LARP7: variants seen among roughly 807,000 people sequenced by gnomAD.
LARP7 encodes la-related protein 7.
LARP7 carries 52 observed loss-of-function variants against 69.3 expected under a neutral mutation model. The ratio of observed to expected loss-of-function variants is 0.75; its 90% confidence interval spans 0.60 to 0.95. The LOEUF is 0.95. Among genes scored for constraint, LARP7 ranks in the 40% least tolerant of loss-of-function variants. The probability of loss-of-function intolerance (pLI) is 0.00; values close to 1 mark genes in which losing one functional copy is unlikely to be tolerated. For missense variants in LARP7, 733 were observed against 673.0 expected (o/e 1.09, Z -0.99); for synonymous variants, 254 against 215.9 (o/e 1.18, Z -1.55).
At chr4:112,650,717 T>G in intron 10 of LARP7, 135 bp downstream of exon 10, 1 of 899,536 alleles carries the variant, frequency 1.1e-6, no homozygotes, top group Non-Finnish European at 1.6e-6. Context: ...CTGTACAGTT[T>G]TAATTCCATG....
At chr4:112,646,160 G>A (rs2048215465) in intron 2 of LARP7, among the ~76,000 whole-genome samples, 191 bp from the exon 3 acceptor site, 1 of 151,724 alleles carries the variant, frequency 6.6e-6, no homozygotes, top group South Asian at 2.1e-4. Context: ...TGTATTTTTA[G>A]TAGAGATGGG....
Position 112,650,540 on chromosome 4 carries a change from G to C in LARP7, c.1374G>C (p.Lys458Asn). The C allele has an allele frequency of 6.2e-7, 1 of 1,613,740 alleles. No individual in the cohort carries two copies. Among genetic ancestry groups the C allele is most frequent in the Non-Finnish European group, 8.5e-7 (1 of 1,179,772 alleles). ...GPQFVSGVIVKIISTEPLPGR... is the reference protein window; with the variant it reads ...GPQFVSGVIVNIISTEPLPGR... ...AGTTCGTGAGTGGAGTGATTGTGAA[G>C]ATCATTAGCACAGAGCCTCTACCTG... The change falls in exon 10 of 13, where the codon AAG becomes AAC. Residue 458 changes from lysine to asparagine, a missense_variant. Lys to Asn is a moderately conservative substitution (Grantham distance 94). Transcript: ENST00000344442.
intron 1 of LARP7, among the ~76,000 whole-genome samples, chr4:112,641,147 TC>T (rs2047944204): frequency 6.6e-6 from 1 of 152,258 alleles, no homozygotes; most frequent in African/African-American, 2.4e-5. Flanking sequence ...ACACCTGTAA[TC>T]CTAGCACTTC....
Position 112,637,149 on chromosome 4 carries a change from T to A in LARP7, c.-93T>A, listed in dbSNP as rs1049642244. 1.2e-4 allele frequency: 18 copies of A among 152,224 alleles called. No individual in the cohort carries two copies. The highest frequency in any genetic ancestry group is 4.3e-4 in the African/African-American group (18 of 41,460). 9.4% of individuals were successfully genotyped at this position (152,224 alleles called of 1,614,324 possible). On this transcript the variant is annotated 5_prime_UTR_variant, in exon 1 of 13. The change abolishes an upstream ATG in the 5' untranslated region. Transcript: ENST00000344442. The stretch of plus-strand genomic sequence containing the variant: ...CCGGAAAACGTTGTCGCTCATCCTA[T>A]GACGCGAAAGTAACCGAGACTATCA...
chr4:112,648,611 G>C, intron 8 of LARP7: 1 of 451,542 alleles, frequency 2.2e-6, no homozygotes, highest in Non-Finnish European at 4.7e-6. Flanking sequence ...TGAGGAGAAA[G>C]AAAACAAAAT....
At chr4:112,653,306 T>G in intron 11 of LARP7, 70 bp downstream of exon 11, 1 of 1,334,252 alleles carries the variant, frequency 7.5e-7, no homozygotes, top group Non-Finnish European at 1.0e-6. Flanking sequence ...TTTTCTGAGT[T>G]TGGCTAATGA....
chr4:112,653,580 G>A (rs1461350662), intron 11 of LARP7, among the ~76,000 whole-genome samples: 1 of 151,974 alleles, frequency 6.6e-6, no homozygotes, highest in African/African-American at 2.4e-5. Flanking sequence ...TGCCTCCCGG[G>A]TTGAAGTGAT....
chr4:112,646,997 A>G, intron 5 of LARP7, 37 bp from the exon 6 acceptor site: 1 of 1,581,708 alleles, frequency 6.3e-7, no homozygotes, highest in East Asian at 2.2e-5. Flanking sequence ...AGAAAAGAAA[A>G]CAAGTATTAA....
At chr4:112,642,267 A>G (rs1280419762) in intron 1 of LARP7, among the ~76,000 whole-genome samples, 1 of 152,120 alleles carries the variant, frequency 6.6e-6, no homozygotes, top group Non-Finnish European at 1.5e-5. Context: ...GTTGTGTGGT[A>G]CTCAATGACA....
intron 8 of LARP7, chr4:112,648,381 A>G (rs936470649): frequency 7.5e-6 from 4 of 534,414 alleles, no homozygotes; most frequent in Non-Finnish European, 1.2e-5. Flanking sequence ...GAAACATGGA[A>G]GCACTTACTT....
In LARP7 at chr4:112,646,687, C is replaced by A. The variant is rs748782643; in HGVS notation, c.387+16C>A. ...AGTGTATGTGGTAAGCTTAAGAACC[C>A]GGGTCCCCAGTCAGAAACTGGCACA... On this transcript the variant is annotated intron_variant, in intron 4 of 12. Transcript: ENST00000344442. 3.2e-6 allele frequency: 5 copies of A among 1,578,360 alleles called. No homozygotes were observed. The highest frequency in any genetic ancestry group is 4.3e-6 in the Non-Finnish European group (5 of 1,163,648).
chr4:112,646,848 G>A lies in LARP7; in HGVS notation c.445G>A (p.Gly149Ser). The A allele has an allele frequency of 6.2e-7, 1 of 1,606,840 alleles. No individual in the cohort carries two copies. Among genetic ancestry groups the A allele is most frequent in the Non-Finnish European group, 8.5e-7 (1 of 1,178,192 alleles). Residue 149 changes from glycine to serine, a missense_variant, in exon 5 of 13, where the codon GGC becomes AGC. Transcript: ENST00000344442. ...SWIERVFGKC[G>S]NVVYISIPHY... ...GATTGAAAGAGTATTTGGGAAATGT[G>A]GCAATGTTGTTTATATAAGTATACC...
chr4:112,650,322 TA>T, intron 9 of LARP7, 138 bp from the exon 10 acceptor site: 1 of 790,764 alleles, frequency 1.3e-6, no homozygotes, highest in East Asian at 2.8e-5. Context: ...ATATAACCTT[TA>T]ATTGTTTACT....
At chr4:112,653,322 G>GA in intron 11 of LARP7, 86 bp downstream of exon 11, 1 of 878,100 alleles carries the variant, frequency 1.1e-6, no homozygotes, top group Non-Finnish European at 1.6e-6. Flanking sequence ...AATGAAACTA[G>GA]TTTTTTTTTT....
At chr4:112,650,712 C>A in intron 10 of LARP7, 130 bp downstream of exon 10, 1 of 945,382 alleles carries the variant, frequency 1.1e-6, no homozygotes, top group Non-Finnish European at 1.5e-6. Flanking sequence ...AACTACTGTA[C>A]AGTTTTAATT....
At position 112,647,380 on chromosome 4, in the gene LARP7, G is replaced by C. The variant is rs764693485; in HGVS notation, c.828G>C (p.Lys276Asn). The change falls in exon 7 of 13, where the codon AAG becomes AAC. Residue 276 changes from lysine (K) to asparagine (N), a missense_variant. By Grantham distance (94) the Lys-to-Asn change is moderately conservative. Coordinates refer to ENST00000344442, the MANE Select transcript of LARP7 (RefSeq NM_016648.4). ...TEPQKQCSKK[K>N]KKRDRVEASS... is the part of the protein sequence containing the mutation. ...CCCAAAAGCAGTGCTCAAAGAAAAA[G>C]AAAAAACGGGACAGAGTTGAAGCAT... 6 of 1,613,820 alleles carry C rather than the reference G, an allele frequency of 3.7e-6. No homozygotes were observed. The highest frequency in any genetic ancestry group is 5.1e-6 in the Non-Finnish European group (6 of 1,179,874).
Position 112,644,798 on chromosome 4 carries a change from C to T in LARP7, c.129C>T (p.Asp43=). ...QVLADIAKQV[D]FWFGDANLHK... ...TTGCAGATATTGCTAAGCAAGTGGACTTCTGGTTTGGGGATGCAAATCTTC... is the reference window on the plus strand; with the variant it reads ...TTGCAGATATTGCTAAGCAAGTGGATTTCTGGTTTGGGGATGCAAATCTTC... Residue 43 remains aspartate (D), a synonymous_variant, in exon 2 of 13, where the codon GAC becomes GAT. Coordinates refer to ENST00000344442, the MANE Select transcript of LARP7 (RefSeq NM_016648.4). 6.2e-7 allele frequency: 1 copy of T among 1,609,410 alleles called. No individual in the cohort carries two copies. The highest frequency in any genetic ancestry group is 8.5e-7 in the Non-Finnish European group (1 of 1,177,048).
intron 8 of LARP7, chr4:112,648,318 A>ATAACAAAAAAATTTTG (rs780618243): frequency 1.9e-6 from 1 of 529,520 alleles, no homozygotes. Context: ...TTAAAACACA[A>ATAACAAAAAAATTTTG]TAACAAAAAA....
At chr4:112,642,341 A>G (rs1378093540) in intron 1 of LARP7, among the ~76,000 whole-genome samples, 1 of 152,202 alleles carries the variant, frequency 6.6e-6, no homozygotes, top group Non-Finnish European at 1.5e-5. Flanking sequence ...AGCTAGCATC[A>G]CCTAAATATA....
Sources: gnomAD v4.1 joint callset for allele counts (sites outside exome capture counted in the v4.1 genomes callset) on GRCh38, gnomAD v4.1.1 for gene constraint, MANE v1.5 for transcripts, NCBI Gene and HGNC (gene_info 2026-07-23, HGNC 2026-07-21) for gene names.